Variants in CYFIP2 observed in about 807,000 individuals in gnomAD.
The protein encoded by CYFIP2 is cytoplasmic FMR1-interacting protein 2.
In CYFIP2, 29 loss-of-function variants were observed where a neutral mutation model predicts 158.7. The observed-to-expected ratio is 0.18, with a 90% CI of 0.14 to 0.25. The LOEUF is 0.25. Among genes scored for constraint, CYFIP2 ranks in the 10% least tolerant of loss-of-function variants. CYFIP2 has a pLI of 1.00. For synonymous variants in CYFIP2, 585 were observed against 617.6 expected (o/e 0.95, Z 0.78); for missense variants, 852 against 1,639.5 (o/e 0.52, Z 8.29).
chr5:157,333,963 A>G (rs1761670798), intron 21 of CYFIP2, among the ~76,000 whole-genome samples: 1 of 152,240 alleles, frequency 6.6e-6, no homozygotes, highest in Non-Finnish European at 1.5e-5. Flanking sequence ...CTCCCAGAAA[A>G]CAGCAATTAA....
chr5:157,362,207 C>T (rs923548625), intron 26 of CYFIP2, among the ~76,000 whole-genome samples: 4 of 152,150 alleles, frequency 2.6e-5, no homozygotes, highest in African/African-American at 9.7e-5. Context: ...ATGTTAGCTC[C>T]AGCTTGTGGG....
In CYFIP2 at chr5:157,390,531, G is replaced by T; in HGVS notation, c.3457G>T (p.Gly1153Cys). The T allele has an allele frequency of 6.5e-7, 1 of 1,549,788 alleles. No individual in the cohort carries two copies. The highest frequency in any genetic ancestry group is 1.2e-5 in the South Asian group (1 of 83,910). ...TNEFTAEQCF[G>C]DGLNWAGCSI... ...TCCCCCTGCTCCCAGGCAGTGTTTC[G>T]GCGATGGCTTGAACTGGGCTGGTTG... Residue 1153 changes from glycine to cysteine, a missense_variant, in exon 30 of 31, where the codon GGC becomes TGC. Gly to Cys is a radical substitution (Grantham distance 159, BLOSUM62 -3). Coordinates refer to ENST00000620254, the MANE Select transcript of CYFIP2 (RefSeq NM_001037333.3).
In CYFIP2 at chr5:157,392,835, C is replaced by T. The variant is rs1267265059; in HGVS notation, c.3597C>T (p.Pro1199=). Reference sequence around the variant, plus strand: ...TGAACATCCCCTTCCTTCTGTAGCCCCTGAAGAAGATGGCCGACCGGATCA... The same window carrying T: ...TGAACATCCCCTTCCTTCTGTAGCCTCTGAAGAAGATGGCCGACCGGATCA... ...DGKDEIIKNV[P]LKKMADRIRK... is the part of the protein sequence containing the mutation. Residue 1199 remains proline, a splice_region_variant and synonymous_variant, in exon 31 of 31, where the codon CCC becomes CCT. Coordinates refer to ENST00000620254, the MANE Select transcript of CYFIP2 (RefSeq NM_001037333.3). The T allele has an allele frequency of 6.2e-7, 1 of 1,613,602 alleles. No homozygotes were observed. The highest frequency in any genetic ancestry group is 1.3e-5 in the African/African-American group (1 of 74,886).
Position 157,311,242 on chromosome 5 carries a change from G to A in CYFIP2, c.993-422G>A, listed in dbSNP as rs891324331. 1 of 379,564 alleles carries A rather than the reference G, an allele frequency of 2.6e-6. No homozygotes were observed. Among genetic ancestry groups the A allele is most frequent in the South Asian group, 2.0e-5 (1 of 51,172 alleles). 23.5% of individuals were successfully genotyped at this position (379,564 alleles called of 1,614,324 possible). A position where few individuals can be genotyped will look rare whatever the true frequency, so the allele number is the denominator to read the frequency against. ...CATATTTCCGCAATCCCAGCCCAAAGGCCCCCCAAAGCCAGCTTCAACCGC... is the reference window on the plus strand; with the variant it reads ...CATATTTCCGCAATCCCAGCCCAAAAGCCCCCCAAAGCCAGCTTCAACCGC... On this transcript the variant is annotated intron_variant, in intron 10 of 30. Coordinates refer to ENST00000620254, the MANE Select transcript of CYFIP2 (RefSeq NM_001037333.3). The surrounding 1 kb of genome is among the most constrained non-coding windows in gnomAD (Gnocchi z 4.7).
At chr5:157,350,727 C>T (rs1763011317) in intron 23 of CYFIP2, among the ~76,000 whole-genome samples, 1 of 152,174 alleles carries the variant, frequency 6.6e-6, no homozygotes, top group African/African-American at 2.4e-5. Flanking sequence ...GCAGTGTTGT[C>T]ATTTCCACAA....
intron 20 of CYFIP2, among the ~76,000 whole-genome samples, chr5:157,331,350 C>T (rs907939485): frequency 6.7e-6 from 1 of 150,096 alleles, no homozygotes; most frequent in African/African-American, 2.5e-5. Flanking sequence ...GAAACATCCC[C>T]ATTTAATAAT....
intron 16 of CYFIP2, 100 bp downstream of exon 16, chr5:157,324,174 G>T: frequency 1.5e-6 from 2 of 1,370,042 alleles, no homozygotes; most frequent in Non-Finnish European, 2.0e-6. Context: ...GGACGTGACC[G>T]TTGACCCTAA....
At chr5:157,348,186 C>CTGAAGGTGGCAG (rs773101496) in intron 23 of CYFIP2, among the ~76,000 whole-genome samples, 27 of 152,258 alleles carry the variant, frequency 1.8e-4, no homozygotes, top group Admixed American at 1.0e-3. Flanking sequence ...TCCACCCTTC[C>CTGAAGGTGGCAG]TGAAGGTGGC....
intron 22 of CYFIP2, among the ~76,000 whole-genome samples, chr5:157,340,118 G>A (rs895660244): frequency 1.4e-4 from 22 of 152,362 alleles, no homozygotes; most frequent in African/African-American, 3.8e-4. Context: ...ACGGCCCGGG[G>A]CCAGGCACTG....
chr5:157,284,421 T>C (rs191412220), intron 1 of CYFIP2, among the ~76,000 whole-genome samples: 1 of 152,352 alleles, frequency 6.6e-6, no homozygotes. Context: ...ATTTCTAATT[T>C]CCTTGAATTA....
At chr5:157,370,714 C>T (rs1001173252) in intron 26 of CYFIP2, among the ~76,000 whole-genome samples, 2 of 152,298 alleles carry the variant, frequency 1.3e-5, no homozygotes, top group Middle Eastern at 3.4e-3. Context: ...AAATGCTAAC[C>T]TTGGAAGACA....
In CYFIP2 at chr5:157,340,744, T is replaced by C. The variant is rs972969393; in HGVS notation, c.2586-326T>C. On this transcript the variant is annotated intron_variant, in intron 22 of 30. Transcript: ENST00000620254. ...AGAAAGAGTTTGCTGAACTCTGCTCTTGAGAAACCAAACTGGAGGTAGAGG... is the reference window on the plus strand; with the variant it reads ...AGAAAGAGTTTGCTGAACTCTGCTCCTGAGAAACCAAACTGGAGGTAGAGG... 3.9e-5 allele frequency among the ~76,000 whole-genome samples: 6 copies of C among 152,224 alleles called. No individual in the cohort carries two copies. In the South Asian group the frequency reaches 1.0e-3, roughly 26 times the overall value.
intron 28 of CYFIP2, among the ~76,000 whole-genome samples, chr5:157,387,674 AT>A (rs3052309): frequency 0.27 from 38,881 of 145,868 alleles, 5,388 homozygotes; most frequent in African/African-American, 0.39. Context: ...CAGGCTCAGG[AT>A]TTTTTTTTTT....
Position 157,361,486 on chromosome 5 carries a change from A to C in CYFIP2, c.2927A>C (p.His976Pro). ...CTCCCAGGGATCCTGGAGTTCTTCC[A>C]CCACCAGCTGAAGGACATCATTGAG... ...YGSPGILEFF[H>P]HQLKDIIEYA... The change falls in exon 26 of 31, where the codon CAC becomes CCC. Residue 976 changes from histidine (H) to proline (P), a missense_variant. Around this residue, in one of 8 missense-constraint regions of CYFIP2, gnomAD observed 223 missense variants for 381.6 expected, o/e 0.58. Transcript: ENST00000620254. The surrounding 1 kb of genome is among the most constrained non-coding windows in gnomAD (Gnocchi z 4.4). The C allele has an allele frequency of 6.2e-7, 1 of 1,614,002 alleles. No homozygotes were observed. Among genetic ancestry groups the C allele is most frequent in the Non-Finnish European group, 8.5e-7 (1 of 1,179,986 alleles).
intron 1 of CYFIP2, among the ~76,000 whole-genome samples, chr5:157,272,928 G>A (rs1028153157): frequency 1.3e-5 from 2 of 152,094 alleles, no homozygotes; most frequent in African/African-American, 4.8e-5. Flanking sequence ...GTGCAGTGGC[G>A]TGATCTCAGC....
At chr5:157,389,593 C>CAG in intron 29 of CYFIP2, 166 bp downstream of exon 29, 1 of 630,618 alleles carries the variant, frequency 1.6e-6, no homozygotes, top group South Asian at 2.0e-5. Flanking sequence ...AGAAAGAGCC[C>CAG]AGTAAGGGTT....
intron 28 of CYFIP2, among the ~76,000 whole-genome samples, chr5:157,385,159 C>T (rs1010057168): frequency 1.3e-5 from 2 of 152,160 alleles, no homozygotes; most frequent in Admixed American, 6.5e-5. Flanking sequence ...GCAGGCATCC[C>T]GCCTCTCACT....
intron 8 of CYFIP2, chr5:157,304,617 A>G: frequency 2.9e-6 from 1 of 347,690 alleles, no homozygotes; most frequent in Non-Finnish European, 5.2e-6. Context: ...GTATTGGAAC[A>G]TTGTCATGTA....
intron 5 of CYFIP2, among the ~76,000 whole-genome samples, chr5:157,300,299 G>T (rs1310337309): frequency 6.6e-6 from 1 of 152,106 alleles, no homozygotes; most frequent in African/African-American, 2.4e-5. Context: ...CACTTTGGGA[G>T]GCCGAGGCAG....
Sources: gnomAD v4.1 joint callset for allele counts (sites outside exome capture counted in the v4.1 genomes callset) on GRCh38, gnomAD v4.1.1 for gene constraint, gnomAD v4.1.1 regional missense constraint, Gnocchi (gnomAD v3.1) non-coding constraint, MANE v1.5 for transcripts, NCBI Gene and HGNC (gene_info 2026-07-23, HGNC 2026-07-21) for gene names.